The following ZNF564 variants were observed in gnomAD, a reference collection of about 807,000 sequenced individuals.
ZNF564 encodes zinc finger protein 564.
In ZNF564, 5 loss-of-function variants were observed where a neutral mutation model predicts 10.5. That is an observed-to-expected ratio of 0.48 (90% CI 0.25 to 1.00). ZNF564 has a LOEUF of 1.00. Among genes scored for constraint, ZNF564 ranks in the 50% least tolerant of loss-of-function variants. ZNF564 has a pLI of 0.16. For synonymous variants in ZNF564, 242 were observed against 218.1 expected (o/e 1.11, Z -0.97); for missense variants, 603 against 669.7 (o/e 0.90, Z 1.10).
chr19:12,539,834 A>G (rs2022003586), intron 1 of ZNF564, among the ~76,000 whole-genome samples: 2 of 151,444 alleles, frequency 1.3e-5, no homozygotes. Flanking sequence ...AAGAAAAATT[A>G]GCCAGGTGTG....
intron 2 of ZNF564, 28 bp from the exon 3 acceptor site, chr19:12,528,392 T>C (rs1407963815): frequency 1.3e-6 from 2 of 1,595,566 alleles, no homozygotes; most frequent in Non-Finnish European, 8.5e-7. Flanking sequence ...AAAATCCTTA[T>C]GAACTGATAG....
intron 1 of ZNF564, among the ~76,000 whole-genome samples, chr19:12,546,849 A>G (rs1008162832): frequency 6.6e-6 from 1 of 152,132 alleles, no homozygotes; most frequent in African/African-American, 2.4e-5. Flanking sequence ...TCCAACCTTA[A>G]TGGTTAAGTT....
In ZNF564 at chr19:12,534,384, T is replaced by C. The variant is rs2021867310; in HGVS notation, c.4-5688A>G. ...AAATTAAAGACTAACACAACCTTTA[T>C]TAGAATGGCTAAAATTTAAAACACT... On this transcript the variant is annotated intron_variant, in intron 1 of 3. Transcript: ENST00000339282. Among the ~76,000 whole-genome samples the C allele has an allele frequency of 2.0e-5, 3 of 152,192 alleles. No individual in the cohort carries two copies. The South Asian group carries it at 6.2e-4, about 31-fold the overall frequency.
intron 1 of ZNF564, among the ~76,000 whole-genome samples, chr19:12,534,665 T>C (rs2021872879): frequency 6.6e-6 from 1 of 151,972 alleles, no homozygotes; most frequent in Admixed American, 6.6e-5. Flanking sequence ...AATACAAAAA[T>C]TAGCTGGGCA....
intron 1 of ZNF564, among the ~76,000 whole-genome samples, chr19:12,534,539 C>T (rs1482395093): frequency 6.6e-6 from 1 of 152,176 alleles, no homozygotes; most frequent in African/African-American, 2.4e-5. Flanking sequence ...CTCGGCCAGG[C>T]ACAGTGGCTC....
chr19:12,542,271 T>G (rs2022068734), intron 1 of ZNF564, among the ~76,000 whole-genome samples: 1 of 120,778 alleles, frequency 8.3e-6, no homozygotes, highest in South Asian at 2.6e-4. Context: ...ATCACGGCAC[T>G]ACACTCCAGC....
chr19:12,550,158 G>A lies in ZNF564; in HGVS notation c.3+1172C>T, dbSNP rs2022225505. On this transcript the variant is annotated intron_variant, in intron 1 of 3. Transcript: ENST00000339282. ...AAATACAAAATTAGCCGGGCATGGT[G>A]GCGCATGCCTGTAATCCCAGTTACA... 2.0e-5 allele frequency: 3 copies of A among 151,970 alleles called. No individual in the cohort carries two copies. The Admixed American group carries it at 2.0e-4, about 10-fold the overall frequency. The allele number at this position is 151,970 out of a possible 1,614,324, so 9.4% of individuals were successfully genotyped here.
At chr19:12,529,005 C>T (rs1226489863) in intron 1 of ZNF564, among the ~76,000 whole-genome samples, 7 of 152,152 alleles carry the variant, frequency 4.6e-5, no homozygotes, top group African/African-American at 9.7e-5. Flanking sequence ...GCAGAGGTTA[C>T]GGTGAACCAA....
At position 12,528,371 on chromosome 19, in the gene ZNF564, T is replaced by C; in HGVS notation, c.131-7A>G. On this transcript the variant is annotated splice_polypyrimidine_tract_variant and splice_region_variant and intron_variant, in intron 2 of 3. Transcript: ENST00000339282. ...TGGTCTTCCCATTTTTTTCCTAAAA[T>C]ATAGTCAGAAAAAATCCTTATGAAC... is the stretch of plus-strand genomic sequence containing the variant. 1 of 1,601,452 alleles carries C rather than the reference T, an allele frequency of 6.2e-7. No individual in the cohort carries two copies. The highest frequency in any genetic ancestry group is 8.5e-7 in the Non-Finnish European group (1 of 1,177,004).
At chr19:12,546,862 T>C (rs989402832) in intron 1 of ZNF564, among the ~76,000 whole-genome samples, 19 of 152,250 alleles carry the variant, frequency 1.2e-4, no homozygotes, top group African/African-American at 4.6e-4. Flanking sequence ...GTTAAGTTTC[T>C]CTCCTCCTTT....
rs1424041820 is a variant in ZNF564, at chr19:12,548,817, G to A, written c.3+2513C>T. 4 of 702,860 alleles carry A rather than the reference G, an allele frequency of 5.7e-6. No individual in the cohort carries two copies. The East Asian group carries it at 8.1e-5, about 14-fold the overall frequency. 43.5% of individuals were successfully genotyped at this position (702,860 alleles called of 1,614,324 possible). On this transcript the variant is annotated intron_variant, in intron 1 of 3. Coordinates refer to ENST00000339282, the MANE Select transcript of ZNF564 (RefSeq NM_144976.4). ...ATTTAGCATTAATCACCAAAGTCCA[G>A]ATGAAAGGATACAGAACAGTTATCC...
chr19:12,533,297 T>G (rs1268993880), intron 1 of ZNF564, among the ~76,000 whole-genome samples: 1 of 152,154 alleles, frequency 6.6e-6, no homozygotes, highest in Non-Finnish European at 1.5e-5. Context: ...TCAAAAATAA[T>G]TTTTGACCTA....
chr19:12,548,770 T>C, intron 1 of ZNF564: 8 of 700,926 alleles, frequency 1.1e-5, no homozygotes, highest in Non-Finnish European at 2.1e-5. Context: ...ATATTTAATA[T>C]TTCAAAGTCC....
rs891449578 is a variant in ZNF564 at position 12,525,763 on chromosome 19, G to C, written c.*683C>G. 1 of 152,184 alleles carries C rather than the reference G, an allele frequency of 6.6e-6. No individual in the cohort carries two copies. The highest frequency in any genetic ancestry group is 1.5e-5 in the Non-Finnish European group (1 of 68,038). 9.4% of individuals were successfully genotyped at this position (152,184 alleles called of 1,614,324 possible). A position where few individuals can be genotyped will look rare whatever the true frequency, so the allele number is the denominator to read the frequency against. ...TTTATTTCTCATGGTTTGGGAGGCT[G>C]GGAAGTCCAATATCAAGGCACTGGC... On this transcript the variant is annotated 3_prime_UTR_variant, in exon 4 of 4. Transcript: ENST00000339282.
rs971948498 is a variant in ZNF564 at position 12,526,558 on chromosome 19, G to T, written c.1550C>A (p.Ser517Tyr). The stretch of plus-strand genomic sequence containing the variant: ...TCTTTCATGTCTTTGAAAGGAACTG[G>T]AATAACTGAACGTTTTTCCACATTG... Reference protein sequence around the residue: ...CKQCGKTFSYSSSFQRHERAH... With the variant: ...CKQCGKTFSYYSSFQRHERAH... Residue 517 changes from serine to tyrosine, a missense_variant, in exon 4 of 4, where the codon TCC (serine) becomes TAC (tyrosine). Ser to Tyr is a moderately radical substitution (Grantham distance 144, BLOSUM62 -2). Coordinates refer to ENST00000339282, the MANE Select transcript of ZNF564 (RefSeq NM_144976.4). 6.2e-7 allele frequency: 1 copy of T among 1,613,992 alleles called. No homozygotes were observed. Among genetic ancestry groups the T allele is most frequent in the African/African-American group, 1.3e-5 (1 of 74,910 alleles).
chr19:12,544,031 T>C (rs2022108037), intron 1 of ZNF564, among the ~76,000 whole-genome samples: 1 of 152,166 alleles, frequency 6.6e-6, no homozygotes, highest in South Asian at 2.1e-4. Context: ...CTGCCAGCAC[T>C]TGAACTTGGA....
intron 1 of ZNF564, among the ~76,000 whole-genome samples, chr19:12,542,186 G>A (rs888114902): frequency 6.6e-6 from 1 of 151,242 alleles, no homozygotes; most frequent in Non-Finnish European, 1.5e-5. Context: ...GTGGGCGCCT[G>A]TAGTCCCAGC....
At chr19:12,531,204 G>T (rs895551752) in intron 1 of ZNF564, among the ~76,000 whole-genome samples, 1 of 152,112 alleles carries the variant, frequency 6.6e-6, no homozygotes, top group Non-Finnish European at 1.5e-5. Flanking sequence ...AATGGTCAAA[G>T]TCTTCTGAAG....
chr19:12,536,899 T>A (rs192901618), intron 1 of ZNF564, among the ~76,000 whole-genome samples: 33 of 152,318 alleles, frequency 2.2e-4, no homozygotes, highest in African/African-American at 7.9e-4. Flanking sequence ...TTAGTATATA[T>A]GTGCAATCAT....
Sources: allele counts gnomAD v4.1 joint callset (sites outside exome capture counted in the v4.1 genomes callset), GRCh38; gene constraint gnomAD v4.1.1; transcripts MANE v1.5; gene names NCBI Gene and HGNC (gene_info 2026-07-23, HGNC 2026-07-21).